Variants in CCDC180 observed in about 807,000 individuals in gnomAD.
CCDC180 encodes the protein coiled-coil domain containing 180, also known as coiled-coil domain-containing protein 180.
Under a neutral mutation model 209.2 loss-of-function variants are expected in CCDC180, and 154 were observed. The ratio of observed to expected loss-of-function variants is 0.74; its 90% CI spans 0.65 to 0.84. The LOEUF is 0.84. CCDC180 is among the 40% of genes least tolerant of loss of function. The pLI is 0.00. For synonymous variants in CCDC180, 778 were observed against 749.1 expected (o/e 1.04, Z -0.63); for missense variants, 1,874 against 1,997.3 (o/e 0.94, Z 1.18).
intron 12 of CCDC180, 59 bp from the exon 13 acceptor site, chr9:97,323,722 C>G: frequency 6.6e-7 from 1 of 1,514,492 alleles, no homozygotes; most frequent in Non-Finnish European, 8.9e-7. Context: ...TAGGATGCAG[C>G]TGATGCCTGT....
At chr9:97,368,355 A>G (rs1826984107) in intron 31 of CCDC180, among the ~76,000 whole-genome samples, 1 of 152,160 alleles carries the variant, frequency 6.6e-6, no homozygotes, top group African/African-American at 2.4e-5. Context: ...CATGGCCTCC[A>G]GGGTATTGGG....
chr9:97,339,386 G>A, intron 18 of CCDC180, among the ~76,000 whole-genome samples: 1 of 152,168 alleles, frequency 6.6e-6, no homozygotes, highest in East Asian at 1.9e-4. Context: ...TTGCTTGTCT[G>A]TAAAGGATTT....
intron 18 of CCDC180, among the ~76,000 whole-genome samples, chr9:97,335,571 T>A (rs1462585866): frequency 6.6e-6 from 1 of 152,228 alleles, no homozygotes; most frequent in African/African-American, 2.4e-5. Context: ...CTTAATCCAG[T>A]CTATCATTCT....
Position 97,362,371 on chromosome 9 carries a change from C to T in CCDC180, c.3832C>T (p.Arg1278Ter), listed in dbSNP as rs756251817. ...GCCCTCGTCACCCAAAGGCTTCAAG[C>T]GACATCGGTGCCAGCCAGAAAACTC... ...PGPSSPKGFK[R>*]HRCQPENSGK... is the part of the protein sequence containing the mutation. Residue 1278 changes from arginine (R) to a stop codon, truncating the protein, a stop_gained, in exon 28 of 37, where the codon CGA becomes TGA. Coordinates refer to ENST00000529487, the MANE Select transcript of CCDC180 (RefSeq NM_020893.6). LOFTEE classifies it high-confidence loss of function. 2.1e-5 allele frequency: 34 copies of T among 1,613,978 alleles called. No individual in the cohort carries two copies. Among genetic ancestry groups the T allele is most frequent in the Admixed American group, 1.2e-4 (7 of 59,996 alleles).
At chr9:97,329,474 T>C (rs995474257) in intron 16 of CCDC180, among the ~76,000 whole-genome samples, 2 of 152,242 alleles carry the variant, frequency 1.3e-5, no homozygotes, top group African/African-American at 2.4e-5. Context: ...CTCAGGATCA[T>C]GTAAATCATG....
Position 97,307,686 on chromosome 9 carries a change from C to A in CCDC180, c.-202C>A. ...GCGCCGTTAACTTTTCCCCGAAGAGCATGGCAGAGTGAAGCACAAGCAATA... is the reference window on the plus strand; with the variant it reads ...GCGCCGTTAACTTTTCCCCGAAGAGAATGGCAGAGTGAAGCACAAGCAATA... On this transcript the variant is annotated 5_prime_UTR_variant, in exon 1 of 37. Transcript: ENST00000529487. The A allele has an allele frequency of 6.4e-7, 1 of 1,566,560 alleles. No individual in the cohort carries two copies. Among genetic ancestry groups the A allele is most frequent in the South Asian group, 1.1e-5 (1 of 89,466 alleles).
chr9:97,342,281 G>A (rs765037677), intron 18 of CCDC180, among the ~76,000 whole-genome samples: 7 of 152,168 alleles, frequency 4.6e-5, no homozygotes, highest in South Asian at 2.1e-4. Flanking sequence ...GCTGCAGACC[G>A]GAGCTGTTCC....
intron 19 of CCDC180, 146 bp from the exon 20 acceptor site, chr9:97,347,168 G>A: frequency 2.8e-6 from 2 of 716,068 alleles, no homozygotes; most frequent in East Asian, 2.7e-5. Context: ...AAGAGTAATG[G>A]TCCATTTACA....
rs1472403417 is a variant in CCDC180, at chr9:97,378,388, A to T, written c.*1494A>T. 1 of 152,218 alleles carries T rather than the reference A, an allele frequency of 6.6e-6. No individual in the cohort carries two copies. The highest frequency in any genetic ancestry group is 1.9e-4 in the East Asian group (1 of 5,192). 9.4% of individuals were successfully genotyped at this position (152,218 alleles called of 1,614,324 possible). On this transcript the variant is annotated 3_prime_UTR_variant, in exon 37 of 37. Transcript: ENST00000529487. ...GTATTCATTTACATCATTGGTTTTC[A>T]TACTTTTCTGACTCTGACCCACTGT... is the stretch of plus-strand genomic sequence containing the variant.
At chr9:97,348,971 C>A in intron 20 of CCDC180, 140 bp from the exon 21 acceptor site, 1 of 750,820 alleles carries the variant, frequency 1.3e-6, no homozygotes, top group South Asian at 2.1e-5. Context: ...GCAACAGGGG[C>A]AGGACAAGGG....
In CCDC180 at chr9:97,308,147, CTG is replaced by C; in HGVS notation, c.69+17_69+18del. On this transcript the variant is annotated intron_variant, in intron 2 of 36. Coordinates refer to ENST00000529487, the MANE Select transcript of CCDC180 (RefSeq NM_020893.6). ...TCCAGGCTGAGGTAGGAGCCGCCCT[CTG>C]TCCCGCTTTTCTCCATCCCCCTTCC... 1 of 1,570,904 alleles carries C rather than the reference CTG, an allele frequency of 6.4e-7. No individual in the cohort carries two copies. The highest frequency in any genetic ancestry group is 1.4e-5 in the African/African-American group (1 of 73,724).
intron 33 of CCDC180, 36 bp from the exon 34 acceptor site, chr9:97,371,559 C>A: frequency 7.1e-7 from 1 of 1,402,162 alleles, no homozygotes; most frequent in Non-Finnish European, 1.0e-6. Context: ...GGATGATCCT[C>A]TCCTAGCAGC....
Position 97,315,707 on chromosome 9 carries a change from G to T in CCDC180, c.795+761G>T, listed in dbSNP as rs199625501. 2.0e-5 allele frequency among the ~76,000 whole-genome samples: 3 copies of T among 152,272 alleles called. No homozygotes were observed. The East Asian group carries it at 5.8e-4, about 29-fold the overall frequency. ...TAGGCTGAAAAGAGGACAGTGTTCT[G>T]AATCACAGATGGGTCCAGCCCATGT... On this transcript the variant is annotated intron_variant, in intron 8 of 36. Transcript: ENST00000529487.
In CCDC180 at chr9:97,363,012, G is replaced by A. The variant is rs577289603; in HGVS notation, c.3902+571G>A. ...GAGAAGAGCAAAGGCTATTGACTCA[G>A]AGCTGACCACAGCAGGGAGTCAGTC... is the stretch of plus-strand genomic sequence containing the variant. On this transcript the variant is annotated intron_variant, in intron 28 of 36. Transcript: ENST00000529487. 2.6e-5 allele frequency among the ~76,000 whole-genome samples: 4 copies of A among 152,352 alleles called. No individual in the cohort carries two copies. The South Asian group carries it at 8.3e-4, about 32-fold the overall frequency.
intron 21 of CCDC180, among the ~76,000 whole-genome samples, chr9:97,349,959 T>C (rs1422312532): frequency 6.6e-6 from 1 of 152,120 alleles, no homozygotes; most frequent in Non-Finnish European, 1.5e-5. Context: ...AAAGATCCAG[T>C]AGGATCTTCT....
At chr9:97,361,069 A>C (rs1826738056) in intron 26 of CCDC180, among the ~76,000 whole-genome samples, 1 of 152,202 alleles carries the variant, frequency 6.6e-6, no homozygotes, top group Admixed American at 6.5e-5. Flanking sequence ...GAAGGTATTG[A>C]GTGACTAGGA....
intron 34 of CCDC180, chr9:97,374,236 C>T: frequency 3.0e-6 from 1 of 336,054 alleles, no homozygotes; most frequent in East Asian, 5.8e-5. Flanking sequence ...AAAGAAGTCT[C>T]TATGAACCAT....
At chr9:97,354,826 T>G (rs1395544548) in intron 23 of CCDC180, 66 bp from the exon 24 acceptor site, 1 of 1,560,704 alleles carries the variant, frequency 6.4e-7, no homozygotes, top group African/African-American at 1.4e-5. Flanking sequence ...CCTGTCCCCC[T>G]CCTCCTTCAG....
In CCDC180 at chr9:97,330,423, A is replaced by G. The variant is rs760093364; in HGVS notation, c.1930A>G (p.Thr644Ala). 5 of 1,614,204 alleles carry G rather than the reference A, an allele frequency of 3.1e-6. No homozygotes were observed. The highest frequency in any genetic ancestry group is 3.4e-6 in the Non-Finnish European group (4 of 1,180,020). ...TRSEESISSG[T>A]STARSVEEVE... Reference sequence around the variant, plus strand: ...AAGTGAGGAAAGCATAAGTAGTGGGACAAGTACTGCCAGGTCAGTAGAAGA... The same window carrying G: ...AAGTGAGGAAAGCATAAGTAGTGGGGCAAGTACTGCCAGGTCAGTAGAAGA... The change falls in exon 18 of 37, where the codon ACA becomes GCA. Residue 644 changes from threonine to alanine, a missense_variant. Coordinates refer to ENST00000529487, the MANE Select transcript of CCDC180 (RefSeq NM_020893.6).
Sources: allele counts gnomAD v4.1 joint callset (sites outside exome capture counted in the v4.1 genomes callset), GRCh38; gene constraint gnomAD v4.1.1; transcripts MANE v1.5; gene names NCBI Gene and HGNC (gene_info 2026-07-23, HGNC 2026-07-21).